FAM163A: variants seen among roughly 807,000 people sequenced by gnomAD.
FAM163A encodes family with sequence similarity 163 member A, also known as protein FAM163A.
Under a neutral mutation model 12.0 loss-of-function variants are expected in FAM163A, and 7 were observed. The ratio of observed to expected loss-of-function variants is 0.58; its 90% confidence interval spans 0.33 to 1.10. The LOEUF is 1.10. Ranked by LOEUF, FAM163A falls within the 50% of genes least tolerant of loss-of-function variation. The pLI is 0.03. For missense variants in FAM163A, 202 were observed against 218.6 expected (o/e 0.92, Z 0.48); for synonymous variants, 101 against 91.0 (o/e 1.11, Z -0.62).
chr1:179,745,933 T>G (rs1427381616), intron 1 of FAM163A, among the ~76,000 whole-genome samples: 1 of 152,164 alleles, frequency 6.6e-6, no homozygotes, highest in Non-Finnish European at 1.5e-5. Flanking sequence ...GAATAAAGAC[T>G]CTTACTTGTA....
intron 1 of FAM163A, among the ~76,000 whole-genome samples, chr1:179,755,959 G>A (rs753295639): frequency 9.8e-5 from 15 of 152,312 alleles, no homozygotes; most frequent in Non-Finnish European, 2.2e-4. Context: ...AAGGAATTAG[G>A]TGAGCAGCAC....
chr1:179,745,898 G>T (rs1684400971), intron 1 of FAM163A, among the ~76,000 whole-genome samples: 1 of 152,144 alleles, frequency 6.6e-6, no homozygotes, highest in African/African-American at 2.4e-5. Flanking sequence ...CACACATGTG[G>T]TAGCTGGAAA....
chr1:179,795,833 A>G (rs1053105821), intron 1 of FAM163A, among the ~76,000 whole-genome samples: 1 of 152,204 alleles, frequency 6.6e-6, no homozygotes, highest in Non-Finnish European at 1.5e-5. Context: ...GTCTTTTTCT[A>G]ACCCCTCTCC....
chr1:179,813,541 C>G (rs1694985463), intron 4 of FAM163A, among the ~76,000 whole-genome samples: 1 of 152,168 alleles, frequency 6.6e-6, no homozygotes, highest in Admixed American at 6.5e-5. Flanking sequence ...ATGTGTGTGT[C>G]CCTGCCCCGC....
At chr1:179,792,282 A>ATTTT (rs1491044739) in intron 1 of FAM163A, among the ~76,000 whole-genome samples, 70 of 71,902 alleles carry the variant, frequency 9.7e-4, no homozygotes, top group African/African-American at 2.6e-3. Context: ...ACCATATCTG[A>ATTTT]TTGTGTGTGT....
chr1:179,790,135 C>T (rs747129287), intron 1 of FAM163A, among the ~76,000 whole-genome samples: 27 of 148,700 alleles, frequency 1.8e-4, no homozygotes, highest in Non-Finnish European at 3.4e-4. Flanking sequence ...AAAGCAGTGT[C>T]AAAGATAATG....
At chr1:179,738,901 C>G (rs1239485106), upstream of FAM163A, among the ~76,000 whole-genome samples, 1 of 152,136 alleles carries the variant, frequency 6.6e-6, no homozygotes, top group East Asian at 1.9e-4. Context: ...CAGAATCAGA[C>G]TACCCAGTTT....
chr1:179,787,349 A>G (rs1690780177), intron 1 of FAM163A, among the ~76,000 whole-genome samples: 1 of 152,144 alleles, frequency 6.6e-6, no homozygotes. Context: ...GCCAGCATGC[A>G]ATGTGTTCAT....
chr1:179,728,775 A>G, the FAM163A span, among the ~76,000 whole-genome samples: 4 of 152,240 alleles, frequency 2.6e-5, no homozygotes, highest in Non-Finnish European at 5.9e-5. Flanking sequence ...CTATTGGTTT[A>G]ATCTACAATC....
At chr1:179,755,278 ATGAT>A (rs1685858888) in intron 1 of FAM163A, among the ~76,000 whole-genome samples, 1 of 152,182 alleles carries the variant, frequency 6.6e-6, no homozygotes, top group African/African-American at 2.4e-5. Flanking sequence ...TGGGGGCAGA[ATGAT>A]TGGTCAGGAG....
At chr1:179,775,880 G>T (rs1241521891) in intron 1 of FAM163A, among the ~76,000 whole-genome samples, 1 of 152,170 alleles carries the variant, frequency 6.6e-6, no homozygotes, top group Non-Finnish European at 1.5e-5. Context: ...ACTCTGTTGA[G>T]GTGAGGCTGA....
intron 1 of FAM163A, among the ~76,000 whole-genome samples, chr1:179,798,999 G>T (rs1692781289): frequency 6.6e-6 from 1 of 152,074 alleles, no homozygotes; most frequent in African/African-American, 2.4e-5. Flanking sequence ...TGGCCCTCTT[G>T]TCAGCCTAAT....
intron 1 of FAM163A, among the ~76,000 whole-genome samples, chr1:179,751,708 A>C (rs899802505): frequency 2.0e-5 from 3 of 152,144 alleles, no homozygotes; most frequent in African/African-American, 7.2e-5. Flanking sequence ...AAGAAAAAGA[A>C]AAAAAAGCCA....
chr1:179,756,618 G>A (rs1457830939), intron 1 of FAM163A, among the ~76,000 whole-genome samples: 3 of 152,212 alleles, frequency 2.0e-5, no homozygotes, highest in Non-Finnish European at 2.9e-5. Flanking sequence ...AACTGGCAGT[G>A]CAGGTCTGAA....
At chr1:179,755,762 C>T (rs1685937911) in intron 1 of FAM163A, among the ~76,000 whole-genome samples, 1 of 152,150 alleles carries the variant, frequency 6.6e-6, no homozygotes, top group African/African-American at 2.4e-5. Context: ...TGCTTGAGGA[C>T]CACATACAAC....
At chr1:179,792,976 G>A (rs1278017232) in intron 1 of FAM163A, among the ~76,000 whole-genome samples, 1 of 151,524 alleles carries the variant, frequency 6.6e-6, no homozygotes. Flanking sequence ...CATAAAGAAA[G>A]TAGCATCTGA....
chr1:179,751,171 C>T (rs1685222068), intron 1 of FAM163A, among the ~76,000 whole-genome samples: 1 of 152,020 alleles, frequency 6.6e-6, no homozygotes, highest in African/African-American at 2.4e-5. Flanking sequence ...AGGAGCTATG[C>T]CTCTGTTAGT....
chr1:179,798,378 G>T (rs1273773163), intron 1 of FAM163A, among the ~76,000 whole-genome samples: 4 of 152,194 alleles, frequency 2.6e-5, no homozygotes, highest in Non-Finnish European at 1.5e-5. Flanking sequence ...CTCACACGGG[G>T]CTTGCCCCGT....
chr1:179,739,124 G>A (rs1231423349), upstream of FAM163A, among the ~76,000 whole-genome samples: 1 of 151,968 alleles, frequency 6.6e-6, no homozygotes, highest in Non-Finnish European at 1.5e-5. Context: ...AGGAGAAGAA[G>A]GAGAAGGAGA....
Sources: gnomAD v4.1 joint callset for allele counts (sites outside exome capture counted in the v4.1 genomes callset) on GRCh38, gnomAD v4.1.1 for gene constraint, MANE v1.5 for transcripts, NCBI Gene and HGNC (gene_info 2026-07-23, HGNC 2026-07-21) for gene names.